CSN1S1: variants seen among roughly 807,000 people sequenced by gnomAD.
CSN1S1 encodes the protein alpha-S1-casein.
Under a neutral mutation model 49.1 loss-of-function variants are expected in CSN1S1, and 63 were observed. That is an observed-to-expected ratio of 1.28 (90% CI 1.05 to 1.58). CSN1S1 has a LOEUF of 1.58. CSN1S1 is among the 40% of genes most tolerant of loss of function. The probability of loss-of-function intolerance (pLI) is 0.00; values close to 1 mark genes in which losing one functional copy is unlikely to be tolerated. For synonymous variants in CSN1S1, 78 were observed against 67.1 expected (o/e 1.16, Z -0.79); for missense variants, 260 against 224.7 (o/e 1.16, Z -1.01).
Position 69,934,803 on chromosome 4 carries a change from T to C in CSN1S1, c.105+93T>C. On this transcript the variant is annotated intron_variant, in intron 4 of 15. Transcript: ENST00000246891. ...ATGTTGAATGTCTTCTTCTTTACAA[T>C]TTTTATTTCCCTTCAAATGCATCCA... 6.1e-6 allele frequency: 7 copies of C among 1,151,346 alleles called. No homozygotes were observed. In the South Asian group the frequency reaches 6.6e-5, roughly 11 times the overall value. 71.3% of individuals were successfully genotyped at this position (1,151,346 alleles called of 1,614,324 possible). A position where few individuals can be genotyped will look rare whatever the true frequency, so the allele number is the denominator to read the frequency against.
chr4:69,934,623 C>G (rs1578131856), intron 3 of CSN1S1, 67 bp from the exon 4 acceptor site: 2 of 1,442,172 alleles, frequency 1.4e-6, no homozygotes, highest in East Asian at 4.6e-5. Context: ...TTTCTATGAG[C>G]ACAACTAATC....
intron 4 of CSN1S1, among the ~76,000 whole-genome samples, chr4:69,935,477 G>T (rs896215494): frequency 6.6e-6 from 1 of 152,022 alleles, no homozygotes; most frequent in Non-Finnish European, 1.5e-5. Context: ...TTGAGCATGG[G>T]CGGTTAAAGC....
At chr4:69,945,087 G>T (rs917936050) in intron 15 of CSN1S1, 83 bp downstream of exon 15, 1 of 1,439,414 alleles carries the variant, frequency 6.9e-7, no homozygotes, top group Non-Finnish European at 9.6e-7. Context: ...CATAAGAACA[G>T]ATTTAGATTA....
intron 1 of CSN1S1, among the ~76,000 whole-genome samples, chr4:69,932,291 G>A (rs531101066): frequency 1.3e-5 from 2 of 151,770 alleles, no homozygotes; most frequent in South Asian, 2.1e-4. Context: ...AAGTGTTAGT[G>A]AAGAAAAATG....
Position 69,942,590 on chromosome 4 carries a change from T to G in CSN1S1, c.402+13T>G. The G allele has an allele frequency of 6.4e-7, 1 of 1,567,200 alleles. No homozygotes were observed. The highest frequency in any genetic ancestry group is 1.2e-5 in the South Asian group (1 of 85,790). On this transcript the variant is annotated intron_variant, in intron 14 of 15. Transcript: ENST00000246891. ...CCATGTCCAAGTGGTAATATTTTGC[T>G]TAATATATTACAAAACGATAATATT...
chr4:69,935,896 T>A, intron 4 of CSN1S1, 30 bp from the exon 5 acceptor site: 2 of 1,403,826 alleles, frequency 1.4e-6, no homozygotes, highest in African/African-American at 2.9e-5. Context: ...CAACTATGAA[T>A]GAATTTTAAC....
At chr4:69,935,897 G>T (rs777454833) in intron 4 of CSN1S1, 29 bp from the exon 5 acceptor site, 1 of 1,408,134 alleles carries the variant, frequency 7.1e-7, no homozygotes, top group South Asian at 1.3e-5. Context: ...AACTATGAAT[G>T]AATTTTAACA....
chr4:69,931,575 G>A (rs1379899901), intron 1 of CSN1S1, among the ~76,000 whole-genome samples: 1 of 151,862 alleles, frequency 6.6e-6, no homozygotes, highest in Non-Finnish European at 1.5e-5. Flanking sequence ...ATCTATTATA[G>A]ATAATTAGCT....
chr4:69,942,029 T>C lies in CSN1S1; in HGVS notation c.343-17T>C, dbSNP rs62305467. 0.23 allele frequency: 324,241 copies of C among 1,393,386 alleles called. 41,808 individuals carry two copies. Among genetic ancestry groups the C allele is most frequent in the South Asian group, 0.3 (19,582 of 66,298 alleles). 86.3% of individuals were successfully genotyped at this position (1,393,386 alleles called of 1,614,324 possible). ...ATAAAATGAAAATACTAAAACAGAATGTTTTCTCCTCCCTAGCAAGCTGCC... is the reference window on the plus strand; with the variant it reads ...ATAAAATGAAAATACTAAAACAGAACGTTTTCTCCTCCCTAGCAAGCTGCC... On this transcript the variant is annotated splice_polypyrimidine_tract_variant and intron_variant, in intron 12 of 15. Transcript: ENST00000246891.
chr4:69,938,066 G>T (rs1338073878), intron 9 of CSN1S1, among the ~76,000 whole-genome samples: 1 of 151,650 alleles, frequency 6.6e-6, no homozygotes, highest in South Asian at 2.1e-4. Flanking sequence ...TTGGAAGACG[G>T]AATTTAAGCC....
intron 14 of CSN1S1, 78 bp from the exon 15 acceptor site, chr4:69,944,772 A>G (rs1322736713): frequency 7.2e-7 from 1 of 1,385,344 alleles, no homozygotes; most frequent in Admixed American, 1.9e-5. Context: ...GAAATGAATG[A>G]GATGTATTGA....
intron 14 of CSN1S1, among the ~76,000 whole-genome samples, chr4:69,943,020 C>T (rs1723024956): frequency 2.0e-5 from 3 of 149,874 alleles, no homozygotes; most frequent in South Asian, 4.2e-4. Context: ...TTTAGTTCCT[C>T]ACAGTACATC....
rs534331228 is a variant in CSN1S1, at chr4:69,941,102, T to C, written c.342+42T>C. On this transcript the variant is annotated intron_variant, in intron 12 of 15. Coordinates refer to ENST00000246891, the MANE Select transcript of CSN1S1 (RefSeq NM_001890.2). ...TATAATACAAAATCATATTCTACTA[T>C]AGAATTAAAACATATTAAATTTTAA... 2.5e-5 allele frequency: 25 copies of C among 986,694 alleles called. 1 individual carries two copies. The highest frequency in any genetic ancestry group is 1.5e-4 in the African/African-American group (9 of 58,440). The allele number at this position is 986,694 out of a possible 1,614,324, so 61.1% of individuals were successfully genotyped here. A position where few individuals can be genotyped will look rare whatever the true frequency, so the allele number is the denominator to read the frequency against.
chr4:69,934,801 A>C, intron 4 of CSN1S1, 91 bp downstream of exon 4: 1 of 1,163,012 alleles, frequency 8.6e-7, no homozygotes, highest in East Asian at 2.4e-5. Flanking sequence ...TCTTCTTTAC[A>C]ATTTTTATTT....
At position 69,946,305 on chromosome 4, in the gene CSN1S1, TTC is replaced by T; in HGVS notation, c.*111_*112del. 2.6e-6 allele frequency: 1 copy of T among 390,140 alleles called. No individual in the cohort carries two copies. Among genetic ancestry groups the T allele is most frequent in the Non-Finnish European group, 4.9e-6 (1 of 203,446 alleles). 24.2% of individuals were successfully genotyped at this position (390,140 alleles called of 1,614,324 possible). A position where few individuals can be genotyped will look rare whatever the true frequency, so the allele number is the denominator to read the frequency against. ...TAAAATCCCATATTGAAGGAAATTG[TTC>T]TTTTTGAGTTATCTACTTAATAGCA... On this transcript the variant is annotated 3_prime_UTR_variant, in exon 16 of 16. Coordinates refer to ENST00000246891, the MANE Select transcript of CSN1S1 (RefSeq NM_001890.2).
At chr4:69,946,048 G>A (rs1361859602) in intron 15 of CSN1S1, 148 bp from the exon 16 acceptor site, 3 of 323,206 alleles carry the variant, frequency 9.3e-6, no homozygotes, top group African/African-American at 2.1e-5. Context: ...GCAATGGATA[G>A]GTATGTCAGT....
At chr4:69,939,882 G>T (rs1430652075) in intron 10 of CSN1S1, 139 bp from the exon 11 acceptor site, 3 of 540,190 alleles carry the variant, frequency 5.6e-6, no homozygotes, top group East Asian at 6.8e-5. Context: ...TATTAATCTT[G>T]TCTCAGTTTT....
At chr4:69,937,209 A>T in intron 8 of CSN1S1, 65 bp downstream of exon 8, 1 of 1,116,750 alleles carries the variant, frequency 9.0e-7, no homozygotes, top group Admixed American at 2.8e-5. Flanking sequence ...ATATTTCCCC[A>T]AATAAATTAT....
intron 4 of CSN1S1, among the ~76,000 whole-genome samples, chr4:69,935,089 G>GGT (rs1722727675): frequency 6.6e-6 from 1 of 151,734 alleles, no homozygotes; most frequent in African/African-American, 2.4e-5. Context: ...GTGGTTTTTT[G>GGT]GTGTTTTTAT....
Sources: allele counts gnomAD v4.1 joint callset (sites outside exome capture counted in the v4.1 genomes callset), GRCh38; gene constraint gnomAD v4.1.1; transcripts MANE v1.5; gene names NCBI Gene and HGNC (gene_info 2026-07-23, HGNC 2026-07-21).